The following CSMD1 variants were observed in gnomAD, a reference collection of about 807,000 sequenced individuals.
The protein encoded by CSMD1 is CUB and sushi domain-containing protein 1.
A neutral mutation model predicts 417.5 loss-of-function variants in CSMD1; 213 were observed. That is an observed-to-expected ratio of 0.51 (90% CI 0.46 to 0.57). CSMD1 has a LOEUF of 0.57. Among genes scored for constraint, CSMD1 ranks in the 20% least tolerant of loss-of-function variants. CSMD1 has a pLI of 0.00. For synonymous variants in CSMD1, 2,862 were observed against 1,736.8 expected (o/e 1.65, Z -16.11); for missense variants, 6,923 against 4,529.7 (o/e 1.53, Z -15.17).
intron 2 of CSMD1, among the ~76,000 whole-genome samples, chr8:4,597,677 TA>T (rs965201145): frequency 2.0e-5 from 3 of 152,168 alleles, no homozygotes; most frequent in African/African-American, 7.2e-5. Context: ...AAAAAAATGT[TA>T]AAGGATATTA....
At chr8:3,681,932 A>C (rs997605922) in intron 7 of CSMD1, among the ~76,000 whole-genome samples, 10 of 152,206 alleles carry the variant, frequency 6.6e-5, no homozygotes, top group African/African-American at 2.4e-4. Context: ...CAAAAACAAG[A>C]AATGGGGAAA....
chr8:3,728,373 A>T (rs184970902), intron 6 of CSMD1, among the ~76,000 whole-genome samples: 1 of 152,176 alleles, frequency 6.6e-6, no homozygotes, highest in Non-Finnish European at 1.5e-5. Context: ...TCCTTTATCA[A>T]TTACCCAGTA....
At chr8:3,600,729 C>T (rs368287014) in intron 8 of CSMD1, among the ~76,000 whole-genome samples, 1 of 152,174 alleles carries the variant, frequency 6.6e-6, no homozygotes, top group East Asian at 1.9e-4. Context: ...TCCAGGCACC[C>T]ACCTCTATCC....
At chr8:4,078,691 A>G (rs1799960028) in intron 3 of CSMD1, among the ~76,000 whole-genome samples, 2 of 150,812 alleles carry the variant, frequency 1.3e-5, no homozygotes, top group Admixed American at 1.3e-4. Context: ...TCTTGCTAAT[A>G]AATGTTTAAA....
intron 7 of CSMD1, among the ~76,000 whole-genome samples, chr8:3,673,059 T>C (rs1458960175): frequency 2.0e-5 from 3 of 152,212 alleles, no homozygotes; most frequent in African/African-American, 7.2e-5. Flanking sequence ...TTTAGCGGTA[T>C]GATTGATATA....
intron 5 of CSMD1, among the ~76,000 whole-genome samples, chr8:3,989,791 C>T (rs1467140659): frequency 6.6e-6 from 1 of 152,168 alleles, no homozygotes; most frequent in Non-Finnish European, 1.5e-5. Context: ...ATGTATTAAG[C>T]TTGGATAGCA....
At chr8:4,631,238 T>C (rs938973287) in intron 2 of CSMD1, among the ~76,000 whole-genome samples, 1 of 152,138 alleles carries the variant, frequency 6.6e-6, no homozygotes, top group Non-Finnish European at 1.5e-5. Flanking sequence ...GGCATGTGCC[T>C]GTAGTCCCAG....
chr8:4,591,704 C>T (rs1356743510), intron 2 of CSMD1, among the ~76,000 whole-genome samples: 1 of 152,036 alleles, frequency 6.6e-6, no homozygotes, highest in Non-Finnish European at 1.5e-5. Flanking sequence ...TATAAATATG[C>T]AATGAAAATT....
In CSMD1 at chr8:3,110,308, T is replaced by G. The variant is rs372024011; in HGVS notation, c.6458A>C (p.Gln2153Pro). 30 of 1,612,228 alleles carry G rather than the reference T, an allele frequency of 1.9e-5. No homozygotes were observed. The highest frequency in any genetic ancestry group is 1.0e-4 in the Admixed American group (6 of 59,740). The stretch of plus-strand genomic sequence containing the variant: ...GCCAGGGGAGTAGATGGTGCCGTTC[T>G]GAGAAGTTACGTTGTACCCACAAGG... ...DAPCGYNVTSQNGTIYSPGFP... is the reference protein window; with the variant it reads ...DAPCGYNVTSPNGTIYSPGFP... Residue 2153 changes from glutamine to proline, a missense_variant, in exon 43 of 70, where the codon CAG (glutamine) becomes CCG (proline). Transcript: ENST00000635120.
At chr8:4,729,147 G>C (rs1427759620) in intron 1 of CSMD1, among the ~76,000 whole-genome samples, 1 of 152,050 alleles carries the variant, frequency 6.6e-6, no homozygotes, top group Non-Finnish European at 1.5e-5. Context: ...AAGAACACAA[G>C]GACAGGCTAA....
intron 8 of CSMD1, among the ~76,000 whole-genome samples, chr8:3,609,853 C>T (rs1168230018): frequency 5.7e-5 from 6 of 105,896 alleles, no homozygotes; most frequent in Admixed American, 1.5e-4. Flanking sequence ...GAGTCTTGCT[C>T]TGTCCCCCAG....
chr8:4,789,781 TA>T (rs1363739153), intron 1 of CSMD1, among the ~76,000 whole-genome samples: 2 of 152,200 alleles, frequency 1.3e-5, no homozygotes. Context: ...TATCACTGTG[TA>T]ATTTAGGGAA....
intron 3 of CSMD1, among the ~76,000 whole-genome samples, chr8:4,157,717 C>A (rs113473635): frequency 2.0e-5 from 3 of 152,222 alleles, no homozygotes; most frequent in Admixed American, 6.5e-5. Flanking sequence ...GCACAGTTGT[C>A]CCTCTGGCCG....
intron 3 of CSMD1, among the ~76,000 whole-genome samples, chr8:4,115,072 A>T (rs1314561663): frequency 2.0e-5 from 3 of 152,222 alleles, no homozygotes; most frequent in Non-Finnish European, 4.4e-5. Flanking sequence ...ACTCCGAGCA[A>T]AATGCTGTCA....
In CSMD1 at chr8:4,132,620, G is replaced by C. The variant is rs1447624620; in HGVS notation, c.416-100521C>G. Among the ~76,000 whole-genome samples the C allele has an allele frequency of 3.3e-5, 5 of 152,180 alleles. No individual in the cohort carries two copies. In the South Asian group the frequency reaches 6.2e-4, roughly 19 times the overall value. ...ATAATTCATTCCAGCACAGTGTTTG[G>C]CATTCATTCTAAGCCAAATAAATAT... On this transcript the variant is annotated intron_variant, in intron 3 of 69. Transcript: ENST00000635120.
At chr8:4,525,295 A>G (rs998649932) in intron 2 of CSMD1, among the ~76,000 whole-genome samples, 8 of 152,136 alleles carry the variant, frequency 5.3e-5, no homozygotes, top group Admixed American at 4.6e-4. Context: ...TATGGTCTGT[A>G]GGTAGCTATG....
At chr8:3,650,085 C>T (rs1797773309) in intron 7 of CSMD1, among the ~76,000 whole-genome samples, 1 of 152,086 alleles carries the variant, frequency 6.6e-6, no homozygotes, top group Non-Finnish European at 1.5e-5. Flanking sequence ...TTGAGACTAG[C>T]CTGGACAACA....
At chr8:3,890,258 G>C (rs918218385) in intron 5 of CSMD1, among the ~76,000 whole-genome samples, 1 of 152,090 alleles carries the variant, frequency 6.6e-6, no homozygotes. Flanking sequence ...AACTTGCAAA[G>C]AAACATCAGA....
intron 17 of CSMD1, among the ~76,000 whole-genome samples, chr8:3,391,620 G>C (rs935304827): frequency 5.3e-5 from 8 of 152,132 alleles, no homozygotes; most frequent in Admixed American, 2.6e-4. Context: ...GCAATTCTAG[G>C]TTTGCTTTTA....
Sources: allele counts gnomAD v4.1 joint callset (sites outside exome capture counted in the v4.1 genomes callset), GRCh38; gene constraint gnomAD v4.1.1; transcripts MANE v1.5; gene names NCBI Gene and HGNC (gene_info 2026-07-23, HGNC 2026-07-21).